Variants in ZNF732 observed in about 807,000 individuals in gnomAD.
The protein encoded by ZNF732 is zinc finger protein LOC654254.
Under a neutral mutation model 11.5 loss-of-function variants are expected in ZNF732, and 12 were observed. That is an observed-to-expected ratio of 1.05 (90% CI 0.67 to 1.70). The LOEUF (loss-of-function observed/expected upper bound fraction) is 1.70. Among genes scored for constraint, ZNF732 ranks in the 40% most tolerant of loss-of-function variants. The pLI is 0.00. For missense variants in ZNF732, 702 were observed against 676.9 expected, an observed-to-expected ratio of 1.04 and a Z score of -0.41; for synonymous variants, 231 against 236.5, an observed-to-expected ratio of 0.98 and a Z score of 0.21.
chr4:281,462 C>A (rs79208974), intron 3 of ZNF732, among the ~76,000 whole-genome samples: 1 of 152,210 alleles, frequency 6.6e-6, no homozygotes, highest in Non-Finnish European at 1.5e-5. Flanking sequence ...TGTATCAGCA[C>A]CTTAATCTGC....
At chr4:284,297 A>T (rs574317566) in intron 3 of ZNF732, among the ~76,000 whole-genome samples, 1 of 152,348 alleles carries the variant, frequency 6.6e-6, no homozygotes, top group African/African-American at 2.4e-5. Flanking sequence ...AAATATGTGT[A>T]TATTAGACAA....
At position 271,848 on chromosome 4, in the gene ZNF732, C is replaced by G. The variant is rs61597111; in HGVS notation, c.1009G>C (p.Glu337Gln). 846 of 1,613,618 alleles carry G rather than the reference C, an allele frequency of 5.2e-4. 3 individuals carry two copies. In the African/African-American group the frequency reaches 0.01, roughly 19 times the overall value. The change falls in exon 4 of 4, where the codon GAA becomes CAA. Residue 337 changes from glutamate (E) to glutamine (Q), a missense_variant. This residue lies in a region of ZNF732 where 596 missense variants were observed against 557.9 expected (regional missense o/e 1.07). Transcript: ENST00000419098. Reference sequence around the variant, plus strand: ...CTACTAAAGGCTTTGCCACATTCTTCACATGTGTAGGGTTTCTCTCCAGTA... The same window carrying G: ...CTACTAAAGGCTTTGCCACATTCTTGACATGTGTAGGGTTTCTCTCCAGTA... ...IHTGEKPYTC[E>Q]ECGKAFSRSS...
At chr4:288,516 T>C (rs895569682) in intron 3 of ZNF732, among the ~76,000 whole-genome samples, 1 of 152,242 alleles carries the variant, frequency 6.6e-6, no homozygotes, top group African/African-American at 2.4e-5. Flanking sequence ...TCTTATTGTA[T>C]GGTTATAGCA....
intron 3 of ZNF732, among the ~76,000 whole-genome samples, chr4:276,521 C>T (rs1719500018): frequency 6.6e-6 from 1 of 151,834 alleles, no homozygotes; most frequent in Non-Finnish European, 1.5e-5. Flanking sequence ...TGTTGAGTTT[C>T]TTAAATCACA....
chr4:271,083 C>T lies in ZNF732; in HGVS notation c.*16G>A. On this transcript the variant is annotated 3_prime_UTR_variant, in exon 4 of 4. Transcript: ENST00000419098. ...TTTGTGGATCATCCAAAGGCTTTGCCACATTCTTCATATTTCTAGAGTTTC... is the reference window on the plus strand; with the variant it reads ...TTTGTGGATCATCCAAAGGCTTTGCTACATTCTTCATATTTCTAGAGTTTC... 6.7e-7 allele frequency: 1 copy of T among 1,492,962 alleles called. No homozygotes were observed. Among genetic ancestry groups the T allele is most frequent in the Non-Finnish European group, 8.9e-7 (1 of 1,122,014 alleles). The allele number at this position is 1,492,962 out of a possible 1,614,324, so 92.5% of individuals were successfully genotyped here.
In ZNF732 at chr4:280,174, G is replaced by A. The variant is rs1170047297; in HGVS notation, c.227-7544C>T. ...AAAAAATTCTGACCTATAAAATATA[G>A]AATATAGATGTAGATGTATCATAAA... On this transcript the variant is annotated intron_variant, in intron 3 of 3. Coordinates refer to ENST00000419098, the MANE Select transcript of ZNF732 (RefSeq NM_001137608.3). Among the ~76,000 whole-genome samples, 3 of 151,086 alleles carry A rather than the reference G, an allele frequency of 2.0e-5. No homozygotes were observed. In the East Asian group the frequency reaches 5.9e-4, roughly 30 times the overall value.
intron 3 of ZNF732, among the ~76,000 whole-genome samples, chr4:280,776 C>T (rs1028487520): frequency 6.6e-6 from 1 of 152,152 alleles, no homozygotes; most frequent in African/African-American, 2.4e-5. Context: ...GACTTAGCTG[C>T]AGACCATTTG....
At chr4:296,299 A>C in intron 1 of ZNF732, 144 bp from the exon 2 acceptor site, 1 of 1,190,272 alleles carries the variant, frequency 8.4e-7, no homozygotes, top group South Asian at 1.7e-5. Context: ...AAAGTATTCT[A>C]TAGCTCTGCA....
At chr4:286,785 C>A (rs1054928272) in intron 3 of ZNF732, among the ~76,000 whole-genome samples, 27 of 152,100 alleles carry the variant, frequency 1.8e-4, no homozygotes, top group African/African-American at 6.5e-4. Context: ...CAGATTATTT[C>A]TCATCAAGGT....
In ZNF732 at chr4:302,658, T is replaced by C. The variant is rs112095322; in HGVS notation, c.3+2650A>G. Among the ~76,000 whole-genome samples the C allele has an allele frequency of 9.2e-3, 1,397 of 152,326 alleles. 31 individuals carry two copies. The highest frequency in any genetic ancestry group is 0.03 in the African/African-American group (1,235 of 41,578). On this transcript the variant is annotated intron_variant, in intron 1 of 3. Transcript: ENST00000419098. ...TATTCACTTTTCAAAGCAATAGTTT[T>C]CAGGTCCTAGATAAAGACAAGTTTG...
rs547079879 is a variant in ZNF732, at chr4:289,267, T to A, written c.226+6171A>T. ...GTAGTAGGAAGAAGGAATTAGACACTCTACCTGCCACCCTGCATGTGTGTG... is the reference window on the plus strand; with the variant it reads ...GTAGTAGGAAGAAGGAATTAGACACACTACCTGCCACCCTGCATGTGTGTG... On this transcript the variant is annotated intron_variant, in intron 3 of 3. Coordinates refer to ENST00000419098, the MANE Select transcript of ZNF732 (RefSeq NM_001137608.3). 2.0e-5 allele frequency among the ~76,000 whole-genome samples: 3 copies of A among 152,378 alleles called. No homozygotes were observed. In the South Asian group the frequency reaches 6.2e-4, roughly 32 times the overall value.
chr4:284,870 CAAAAAA>C (rs1163209652), intron 3 of ZNF732, among the ~76,000 whole-genome samples: 5 of 54,820 alleles, frequency 9.1e-5, no homozygotes, highest in Non-Finnish European at 1.3e-4. Context: ...GACTCTGTCT[CAAAAAA>C]AAAAAAAAAA....
chr4:273,461 A>C (rs1475474725), intron 3 of ZNF732, among the ~76,000 whole-genome samples: 1 of 152,006 alleles, frequency 6.6e-6, no homozygotes, highest in Non-Finnish European at 1.5e-5. Flanking sequence ...CCATAAAAAC[A>C]AAGATGTACA....
At chr4:292,938 G>T in intron 3 of ZNF732, among the ~76,000 whole-genome samples, 1 of 143,434 alleles carries the variant, frequency 7.0e-6, no homozygotes, top group Non-Finnish European at 1.5e-5. Flanking sequence ...CGTGGTGTTA[G>T]GTACCTGTAG....
At chr4:281,505 A>T (rs1553839814) in intron 3 of ZNF732, among the ~76,000 whole-genome samples, 1 of 152,254 alleles carries the variant, frequency 6.6e-6, no homozygotes. Flanking sequence ...CCTCAGTGCC[A>T]GTCATATTGA....
intron 1 of ZNF732, among the ~76,000 whole-genome samples, chr4:296,686 C>G (rs539860525): frequency 1.0e-3 from 154 of 152,268 alleles, no homozygotes; most frequent in African/African-American, 3.6e-3. Context: ...CTCGGCCTCA[C>G]TGTAACAAAA....
intron 1 of ZNF732, among the ~76,000 whole-genome samples, chr4:299,588 A>C (rs1553843308): frequency 1.4e-5 from 2 of 139,934 alleles, no homozygotes; most frequent in East Asian, 4.0e-4. Context: ...ATTTATATAT[A>C]AATATATATT....
chr4:292,250 AAAC>A (rs1450117318), intron 3 of ZNF732, among the ~76,000 whole-genome samples: 1 of 152,212 alleles, frequency 6.6e-6, no homozygotes, highest in Admixed American at 6.5e-5. Flanking sequence ...AAGGAAAAGA[AAAC>A]AAAATTTCTA....
intron 1 of ZNF732, among the ~76,000 whole-genome samples, chr4:299,520 T>C (rs529132945): frequency 3.8e-5 from 5 of 132,392 alleles, no homozygotes; most frequent in Non-Finnish European, 6.4e-5. Flanking sequence ...TATACGTATA[T>C]ATGTGTATAT....
Sources: allele counts gnomAD v4.1 joint callset (sites outside exome capture counted in the v4.1 genomes callset), GRCh38; gene constraint gnomAD v4.1.1; regional missense constraint gnomAD v4.1.1; transcripts MANE v1.5; gene names NCBI Gene and HGNC (gene_info 2026-07-23, HGNC 2026-07-21).